The following DOCK3 variants were observed in gnomAD, a reference collection of about 807,000 sequenced individuals.
DOCK3 encodes dedicator of cytokinesis protein 3.
Under a neutral mutation model 265.6 loss-of-function variants are expected in DOCK3, and 60 were observed. That is an observed-to-expected ratio of 0.23 (90% CI 0.18 to 0.28). The LOEUF is 0.28. DOCK3 is among the 10% of genes least tolerant of loss of function. The pLI, the probability that DOCK3 is intolerant of heterozygous loss-of-function variation, is 1.00. For synonymous variants in DOCK3, 881 were observed against 938.0 expected, an observed-to-expected ratio of 0.94 and a Z score of 1.11; for missense variants, 1,981 against 2,594.3, an observed-to-expected ratio of 0.76 and a Z score of 5.14.
At chr3:51,237,401 T>G in intron 20 of DOCK3, 89 bp from the exon 21 acceptor site, 1 of 1,078,136 alleles carries the variant, frequency 9.3e-7, no homozygotes, top group Non-Finnish European at 1.4e-6. Flanking sequence ...CAATTTGCCA[T>G]TATTTGGAGA....
Position 51,264,549 on chromosome 3 carries a change from C to T in DOCK3, c.2355+4223C>T, listed in dbSNP as rs533379634. On this transcript the variant is annotated intron_variant, in intron 23 of 52. Transcript: ENST00000266037. ...TAACAGAAGACAAGAAATAACTAGC[C>T]GGGCTTGGTGGCTCACACCTGTAAT... Among the ~76,000 whole-genome samples the T allele has an allele frequency of 5.3e-5, 8 of 151,842 alleles. 1 individual carries two copies. In the South Asian group the frequency reaches 6.2e-4, roughly 12 times the overall value.
intron 4 of DOCK3, among the ~76,000 whole-genome samples, chr3:50,904,639 T>A (rs1223898922): frequency 6.6e-6 from 1 of 152,036 alleles, no homozygotes; most frequent in Non-Finnish European, 1.5e-5. Context: ...GTAGATTCTT[T>A]TTAAGTTTAA....
At chr3:50,791,900 T>G (rs1415223630) in intron 2 of DOCK3, among the ~76,000 whole-genome samples, 1 of 152,228 alleles carries the variant, frequency 6.6e-6, no homozygotes, top group African/African-American at 2.4e-5. Flanking sequence ...TAGGATTGCC[T>G]TGGCTATTCG....
At chr3:50,712,027 A>G (rs1043522052) in intron 1 of DOCK3, among the ~76,000 whole-genome samples, 1 of 151,988 alleles carries the variant, frequency 6.6e-6, no homozygotes, top group Admixed American at 6.6e-5. Context: ...TCCATGTCTT[A>G]TTCTTGATTT....
At chr3:50,962,111 C>CATCT (rs1366233148) in intron 5 of DOCK3, among the ~76,000 whole-genome samples, 1 of 152,022 alleles carries the variant, frequency 6.6e-6, no homozygotes, top group Non-Finnish European at 1.5e-5. Context: ...ATCAACCCAT[C>CATCT]ATCTACATTA....
chr3:50,682,319 G>A (rs575555093), intron 1 of DOCK3, among the ~76,000 whole-genome samples: 1 of 152,300 alleles, frequency 6.6e-6, no homozygotes, highest in East Asian at 1.9e-4. Context: ...CATAACTAGT[G>A]CCGCCATGTC....
At chr3:51,167,139 A>G (rs1212892772) in intron 12 of DOCK3, among the ~76,000 whole-genome samples, 2 of 152,122 alleles carry the variant, frequency 1.3e-5, no homozygotes, top group African/African-American at 4.8e-5. Context: ...TTTGTGTTTT[A>G]TGTCAGATAA....
chr3:51,349,045 A>G (rs2085789926), intron 39 of DOCK3, 107 bp downstream of exon 39: 1 of 1,118,404 alleles, frequency 8.9e-7, no homozygotes, highest in Admixed American at 2.4e-5. Flanking sequence ...AATACAAGAG[A>G]AACAAAAGCC....
chr3:51,228,140 C>G, intron 17 of DOCK3, 52 bp downstream of exon 17: 1 of 1,559,398 alleles, frequency 6.4e-7, no homozygotes, highest in Admixed American at 1.7e-5. Flanking sequence ...CCTGAGGCCA[C>G]TCTCACACAT....
rs1180805402 is a variant in DOCK3, at chr3:50,992,003, A to G, written c.315+57926A>G. Among the ~76,000 whole-genome samples the G allele has an allele frequency of 3.9e-5, 6 of 152,230 alleles. No individual in the cohort carries two copies. The South Asian group carries it at 1.2e-3, about 32-fold the overall frequency. On this transcript the variant is annotated intron_variant, in intron 5 of 52. Coordinates refer to ENST00000266037, the MANE Select transcript of DOCK3 (RefSeq NM_004947.5). The stretch of plus-strand genomic sequence containing the variant: ...GCTCCTGAATAACTTTTGGGTAAAT[A>G]ATGAAATTAAGGTGAATATAAGGTA...
intron 3 of DOCK3, among the ~76,000 whole-genome samples, chr3:50,858,805 C>T (rs143454822): frequency 1.3e-5 from 2 of 152,062 alleles, no homozygotes; most frequent in African/African-American, 2.4e-5. Flanking sequence ...ATAGATTTGG[C>T]CTCTTTTTTA....
rs138358155 is a variant in DOCK3, at chr3:51,361,815, T to C, written c.5007-44T>C. 4.2e-3 allele frequency: 6,636 copies of C among 1,596,956 alleles called. 24 individuals are homozygous for C. The highest frequency in any genetic ancestry group is 5.1e-3 in the Non-Finnish European group (5,986 of 1,171,256). On this transcript the variant is annotated intron_variant, in intron 47 of 52. Coordinates refer to ENST00000266037, the MANE Select transcript of DOCK3 (RefSeq NM_004947.5). This position sits in a 1 kb window ranked among gnomAD's most constrained non-coding sequence, Gnocchi z 4.2. ...TCCGCTCTACTGTCCCCCTGCCACC[T>C]GCCATGGGCCTGACTCCTCCCTATT...
intron 1 of DOCK3, among the ~76,000 whole-genome samples, chr3:50,732,977 A>C (rs2038315635): frequency 6.6e-6 from 1 of 152,158 alleles, no homozygotes; most frequent in African/African-American, 2.4e-5. Context: ...TAATTTATTT[A>C]ATTTAAAGAT....
At chr3:50,787,651 C>T (rs1488626274) in intron 2 of DOCK3, 11 of 1,309,060 alleles carry the variant, frequency 8.4e-6, no homozygotes, top group Middle Eastern at 1.9e-4. Flanking sequence ...ACTCTTCCTG[C>T]AACCTCTTGT....
intron 3 of DOCK3, among the ~76,000 whole-genome samples, chr3:50,880,939 G>T (rs2047988872): frequency 6.6e-6 from 1 of 152,134 alleles, no homozygotes; most frequent in African/African-American, 2.4e-5. Flanking sequence ...ATGATCAAGT[G>T]GGCTTCATCC....
chr3:51,102,277 G>A (rs1228380872), intron 9 of DOCK3, among the ~76,000 whole-genome samples: 5 of 152,198 alleles, frequency 3.3e-5, no homozygotes, highest in East Asian at 3.8e-4. Context: ...CTGCCTGGCT[G>A]TAGATCAGGA....
At chr3:51,339,643 T>A (rs2085103526) in intron 37 of DOCK3, among the ~76,000 whole-genome samples, 1 of 152,212 alleles carries the variant, frequency 6.6e-6, no homozygotes, top group African/African-American at 2.4e-5. Flanking sequence ...GAACAAATTT[T>A]AAAGCATTTC....
intron 9 of DOCK3, among the ~76,000 whole-genome samples, chr3:51,132,190 A>AG (rs776301569): frequency 2.0e-5 from 3 of 152,216 alleles, no homozygotes; most frequent in Non-Finnish European, 2.9e-5. Context: ...TTAAATGCAG[A>AG]GTCCCTACTT....
At position 51,356,176 on chromosome 3, in the gene DOCK3, A is replaced by G; in HGVS notation, c.4337A>G (p.Tyr1446Cys). 6.2e-7 allele frequency: 1 copy of G among 1,614,038 alleles called. No individual in the cohort carries two copies. Among genetic ancestry groups the G allele is most frequent in the South Asian group, 1.1e-5 (1 of 91,074 alleles). The change falls in exon 42 of 53, where the codon TAT becomes TGT. Residue 1446 changes from tyrosine (Y) to cysteine (C), a missense_variant. By Grantham distance (194) the Tyr-to-Cys change is radical. This residue lies in a region of DOCK3 where 1,357 missense variants were observed against 1,866.8 expected (regional missense o/e 0.73). Coordinates refer to ENST00000266037, the MANE Select transcript of DOCK3 (RefSeq NM_004947.5). ...DRVPDRVKSF[Y>C]RVNNVRKFRY... ...GTACCAGATCGAGTCAAGAGCTTCT[A>G]TCGCGTCAACAATGTGAGGAAGTTC...
Sources: gnomAD v4.1 joint callset for allele counts (sites outside exome capture counted in the v4.1 genomes callset) on GRCh38, gnomAD v4.1.1 for gene constraint, gnomAD v4.1.1 regional missense constraint, Gnocchi (gnomAD v3.1) non-coding constraint, MANE v1.5 for transcripts, NCBI Gene and HGNC (gene_info 2026-07-23, HGNC 2026-07-21) for gene names.